GAS7: variants seen among roughly 807,000 people sequenced by gnomAD.
GAS7 encodes growth arrest-specific protein 7.
GAS7 carries 28 observed loss-of-function variants against 71.1 expected under a neutral mutation model. The ratio of observed to expected loss-of-function variants is 0.39; its 90% CI spans 0.29 to 0.54. The LOEUF (loss-of-function observed/expected upper bound fraction) is 0.54. Ranked by LOEUF, GAS7 falls within the 20% of genes least tolerant of loss-of-function variation. The pLI, the probability that GAS7 is intolerant of heterozygous loss-of-function variation, is 0.62. For synonymous variants in GAS7, 258 were observed against 245.8 expected (o/e 1.05, Z -0.46); for missense variants, 436 against 627.8 (o/e 0.69, Z 3.27).
chr17:9,918,115 A>G lies in GAS7; in HGVS notation c.1219-16T>C. 1 of 1,597,980 alleles carries G rather than the reference A, an allele frequency of 6.3e-7. No homozygotes were observed. Among genetic ancestry groups the G allele is most frequent in the Non-Finnish European group, 8.6e-7 (1 of 1,166,304 alleles). On this transcript the variant is annotated splice_polypyrimidine_tract_variant and intron_variant, in intron 12 of 13. Coordinates refer to ENST00000432992, the MANE Select transcript of GAS7 (RefSeq NM_201433.2). ...GCTCTAGCTCCTGCCGAGAAAGCAA[A>G]GGCCAGAGAACTCTGAGCACGTCCC... is the stretch of plus-strand genomic sequence containing the variant.
intron 1 of GAS7, among the ~76,000 whole-genome samples, chr17:10,125,895 AC>A (rs1272973398): frequency 2.0e-5 from 3 of 152,136 alleles, no homozygotes; most frequent in African/African-American, 7.2e-5. Context: ...ACCCTCACAT[AC>A]ACCCGCCCCG....
chr17:10,009,748 C>T (rs1453503953), intron 2 of GAS7, among the ~76,000 whole-genome samples: 2 of 150,698 alleles, frequency 1.3e-5, no homozygotes, highest in African/African-American at 4.9e-5. Context: ...GACATATGCC[C>T]ATGGTCCCAG....
Position 9,943,154 on chromosome 17 carries a change from A to G in GAS7, c.698T>C (p.Met233Thr). 2 of 1,612,930 alleles carry G rather than the reference A, an allele frequency of 1.2e-6. No individual in the cohort carries two copies. The highest frequency in any genetic ancestry group is 1.7e-6 in the Non-Finnish European group (2 of 1,178,928). ...LLQKQLKGKQ[M>T]QKEMSEFIRE... ...GATGAATTCTGACATTTCCTTCTGC[A>G]TTTGTTTGCCCTTCAGCTGTTTCTG... is the stretch of plus-strand genomic sequence containing the variant. The change falls in exon 7 of 14, where the codon ATG becomes ACG. Residue 233 changes from methionine (M) to threonine (T), a missense_variant. Physicochemically the swap from Met to Thr is moderately conservative, Grantham distance 81 (BLOSUM62 -1). Coordinates refer to ENST00000432992, the MANE Select transcript of GAS7 (RefSeq NM_201433.2).
At chr17:10,182,223 G>A (rs1327664424) in intron 1 of GAS7, among the ~76,000 whole-genome samples, 2 of 152,162 alleles carry the variant, frequency 1.3e-5, no homozygotes, top group Middle Eastern at 3.4e-3. Flanking sequence ...GCAATGGCAC[G>A]ATCTCGACTC....
chr17:9,957,628 A>G lies in GAS7; in HGVS notation c.525+1574T>C, dbSNP rs146287677. On this transcript the variant is annotated intron_variant, in intron 5 of 13. Coordinates refer to ENST00000432992, the MANE Select transcript of GAS7 (RefSeq NM_201433.2). The stretch of plus-strand genomic sequence containing the variant: ...TTATGTATTTCAGAAGACTCTGGAG[A>G]GCTCCTGCTGTGCCCCAGCATTCTG... Among the ~76,000 whole-genome samples, 6 of 129,812 alleles carry G rather than the reference A, an allele frequency of 4.6e-5. No homozygotes were observed. The East Asian group carries it at 1.5e-3, about 32-fold the overall frequency. 85.2% of individuals were successfully genotyped at this position (129,812 alleles called of 152,430 possible).
chr17:10,087,914 G>A (rs975717367), intron 1 of GAS7, among the ~76,000 whole-genome samples: 2 of 152,088 alleles, frequency 1.3e-5, no homozygotes, highest in Admixed American at 6.6e-5. Context: ...CCCCATCCTC[G>A]CTCCAGCCAG....
chr17:10,070,561 A>G (rs1399128693), intron 1 of GAS7, among the ~76,000 whole-genome samples: 1 of 151,372 alleles, frequency 6.6e-6, no homozygotes, highest in Non-Finnish European at 1.5e-5. Flanking sequence ...ACGGGGTTTC[A>G]CCATGTTCGC....
chr17:9,978,653 G>A lies in GAS7; in HGVS notation c.385+3151C>T, dbSNP rs149974209. ...TGATCATGACACTGTATTCCAGCCT[G>A]AGTAACAGAGCAAGACCATGTCTCT... On this transcript the variant is annotated intron_variant, in intron 3 of 13. Coordinates refer to ENST00000432992, the MANE Select transcript of GAS7 (RefSeq NM_201433.2). Among the ~76,000 whole-genome samples the A allele has an allele frequency of 6.2e-3, 949 of 152,204 alleles. 17 individuals carry two copies. The highest frequency in any genetic ancestry group is 0.021 in the African/African-American group (878 of 41,516).
At chr17:10,126,735 G>A (rs2073954290) in intron 1 of GAS7, among the ~76,000 whole-genome samples, 1 of 152,188 alleles carries the variant, frequency 6.6e-6, no homozygotes, top group Non-Finnish European at 1.5e-5. Context: ...TTCTTTTGAG[G>A]GTTAGGAGCC....
chr17:10,042,422 T>C (rs892093136), intron 1 of GAS7, among the ~76,000 whole-genome samples: 1 of 151,740 alleles, frequency 6.6e-6, no homozygotes, highest in African/African-American at 2.4e-5. Context: ...GTCTCTAGGG[T>C]ACAGGGTCTC....
intron 2 of GAS7, among the ~76,000 whole-genome samples, chr17:10,007,488 G>C (rs1245270108): frequency 6.6e-6 from 1 of 151,902 alleles, no homozygotes; most frequent in Non-Finnish European, 1.5e-5. Context: ...GCCAGGCGTG[G>C]TGGTGGGCAC....
chr17:9,975,380 G>A (rs1444934038), intron 3 of GAS7, among the ~76,000 whole-genome samples: 1 of 151,946 alleles, frequency 6.6e-6, no homozygotes, highest in African/African-American at 2.4e-5. Flanking sequence ...AAACAAAGTT[G>A]AGGAACCCCG....
At chr17:10,141,410 T>C (rs1170870762) in intron 1 of GAS7, among the ~76,000 whole-genome samples, 1 of 151,602 alleles carries the variant, frequency 6.6e-6, no homozygotes, top group Non-Finnish European at 1.5e-5. Flanking sequence ...ATCGCACCGG[T>C]GCACTCCAGC....
chr17:10,016,922 C>T (rs191343167), intron 2 of GAS7, among the ~76,000 whole-genome samples: 76 of 150,574 alleles, frequency 5.0e-4, no homozygotes, highest in Admixed American at 2.6e-3. Flanking sequence ...TGCACTCTAG[C>T]CTGGGCAACA....
chr17:10,124,520 C>T (rs1395356860), intron 1 of GAS7, among the ~76,000 whole-genome samples: 1 of 152,242 alleles, frequency 6.6e-6, no homozygotes, highest in Non-Finnish European at 1.5e-5. Context: ...CAGGTGGCTA[C>T]AGATCTCATG....
intron 2 of GAS7, among the ~76,000 whole-genome samples, chr17:10,004,915 CAGG>C (rs1311235237): frequency 6.6e-6 from 1 of 152,124 alleles, no homozygotes; most frequent in Non-Finnish European, 1.5e-5. Context: ...GAGGCTGAGG[CAGG>C]AGAATCGCTT....
At chr17:10,149,472 C>A (rs1236855860) in intron 1 of GAS7, among the ~76,000 whole-genome samples, 1 of 152,164 alleles carries the variant, frequency 6.6e-6, no homozygotes. Context: ...CAAAAACCAA[C>A]TTATATTTTT....
chr17:10,077,082 C>G (rs2073402875), intron 1 of GAS7, among the ~76,000 whole-genome samples: 1 of 152,062 alleles, frequency 6.6e-6, no homozygotes, highest in Non-Finnish European at 1.5e-5. Flanking sequence ...TGTGAAGATC[C>G]CATGTACACA....
At chr17:10,023,037 G>A (rs2072331170) in intron 1 of GAS7, among the ~76,000 whole-genome samples, 2 of 152,186 alleles carry the variant, frequency 1.3e-5, no homozygotes, top group African/African-American at 4.8e-5. Context: ...AGGCACTGAT[G>A]ACCACGAGGT....
Sources: allele counts gnomAD v4.1 joint callset (sites outside exome capture counted in the v4.1 genomes callset), GRCh38; gene constraint gnomAD v4.1.1; transcripts MANE v1.5; gene names NCBI Gene and HGNC (gene_info 2026-07-23, HGNC 2026-07-21).